The following SLC16A9 variants were observed in gnomAD, a reference collection of about 807,000 sequenced individuals.
The protein encoded by SLC16A9 is solute carrier family 16 member 9, also known as monocarboxylate transporter 9.
Under a neutral mutation model 44.3 loss-of-function variants are expected in SLC16A9, and 26 were observed. The ratio of observed to expected loss-of-function variants is 0.59; its 90% CI spans 0.43 to 0.81. SLC16A9 has a LOEUF of 0.81. SLC16A9 is among the 40% of genes least tolerant of loss of function. The pLI, the probability that SLC16A9 is intolerant of heterozygous loss-of-function variation, is 0.00. For synonymous variants in SLC16A9, 230 were observed against 225.1 expected (o/e 1.02, Z -0.19); for missense variants, 559 against 595.8 (o/e 0.94, Z 0.64).
intron 3 of SLC16A9, among the ~76,000 whole-genome samples, chr10:59,668,582 T>G (rs1039530803): frequency 1.3e-5 from 2 of 152,254 alleles, no homozygotes; most frequent in Non-Finnish European, 2.9e-5. Flanking sequence ...GTTGTGCGAC[T>G]TTGGCAAAGT....
chr10:59,685,955 T>A (rs879440064), intron 1 of SLC16A9, among the ~76,000 whole-genome samples: 138 of 149,182 alleles, frequency 9.3e-4, no homozygotes, highest in Non-Finnish European at 1.7e-3. Context: ...CATTTCATCA[T>A]AGTTTCAACT....
chr10:59,664,984 G>A (rs1315770925), intron 3 of SLC16A9, among the ~76,000 whole-genome samples: 1 of 148,526 alleles, frequency 6.7e-6, no homozygotes, highest in African/African-American at 2.5e-5. Flanking sequence ...AACTATTGGT[G>A]AGCATATGGT....
At chr10:59,659,340 C>T (rs1177642840) in intron 4 of SLC16A9, among the ~76,000 whole-genome samples, 2 of 152,062 alleles carry the variant, frequency 1.3e-5, no homozygotes, top group Non-Finnish European at 2.9e-5. Flanking sequence ...GTCTTTCTGA[C>T]AGTGGCCTTA....
At chr10:59,695,215 T>A (rs1840346138) in intron 1 of SLC16A9, among the ~76,000 whole-genome samples, 1 of 152,016 alleles carries the variant, frequency 6.6e-6, no homozygotes, top group Non-Finnish European at 1.5e-5. Context: ...TCGGGGGTGA[T>A]GAAAATGCTC....
intron 1 of SLC16A9, among the ~76,000 whole-genome samples, chr10:59,693,032 G>A (rs966348298): frequency 3.9e-5 from 6 of 152,100 alleles, no homozygotes; most frequent in African/African-American, 9.7e-5. Context: ...TCTTGAGTCC[G>A]CCTTCTCCAT....
intron 4 of SLC16A9, among the ~76,000 whole-genome samples, chr10:59,661,697 T>A (rs1839478775): frequency 6.6e-6 from 1 of 152,094 alleles, no homozygotes; most frequent in Admixed American, 6.6e-5. Context: ...CCAAGACAAT[T>A]CTAAGCAAAA....
intron 3 of SLC16A9, among the ~76,000 whole-genome samples, chr10:59,669,656 C>G (rs1839699522): frequency 6.6e-6 from 1 of 152,018 alleles, no homozygotes; most frequent in East Asian, 1.9e-4. Context: ...GCCAACATGG[C>G]AAAACCCTAT....
In SLC16A9 at chr10:59,651,226, A is replaced by G. The variant is rs1054751598; in HGVS notation, c.*1546T>C. On this transcript the variant is annotated 3_prime_UTR_variant, in exon 6 of 6. Coordinates refer to ENST00000395348, the MANE Select transcript of SLC16A9 (RefSeq NM_194298.3). ...AGGTATTGTGAGGATTTGTGTTTATAAAGTGCTTCAGGCGCCTTCGAAGAA... is the reference window on the plus strand; with the variant it reads ...AGGTATTGTGAGGATTTGTGTTTATGAAGTGCTTCAGGCGCCTTCGAAGAA... 1 of 152,212 alleles carries G rather than the reference A, an allele frequency of 6.6e-6. No homozygotes were observed. The highest frequency in any genetic ancestry group is 1.5e-5 in the Non-Finnish European group (1 of 68,038). The allele number at this position is 152,212 out of a possible 1,614,324, so 9.4% of individuals were successfully genotyped here.
At chr10:59,699,688 C>T (rs564733146) in intron 1 of SLC16A9, among the ~76,000 whole-genome samples, 2 of 146,740 alleles carry the variant, frequency 1.4e-5, no homozygotes, top group Non-Finnish European at 3.1e-5. Flanking sequence ...TGAAGTATCA[C>T]TCTTTTTTTT....
chr10:59,654,096 G>T lies in SLC16A9; in HGVS notation c.930C>A (p.Phe310Leu). The T allele has an allele frequency of 6.2e-7, 1 of 1,614,078 alleles. No individual in the cohort carries two copies. The highest frequency in any genetic ancestry group is 8.5e-7 in the Non-Finnish European group (1 of 1,180,010). The change falls in exon 5 of 6, where the codon TTC becomes TTA. Residue 310 changes from phenylalanine (F) to leucine (L), a missense_variant. By Grantham distance (22) the Phe-to-Leu change is conservative. Transcript: ENST00000395348. The part of the protein sequence containing the change: ...LFKNKVFSAL[F>L]IAILLFDIGG... ...CGATGTCAAAGAGTAAGATAGCAATGAAAAGGGCTGAAAATACTTTGTTTT... is the reference window on the plus strand; with the variant it reads ...CGATGTCAAAGAGTAAGATAGCAATTAAAAGGGCTGAAAATACTTTGTTTT...
chr10:59,664,774 C>T (rs4948350), intron 3 of SLC16A9, among the ~76,000 whole-genome samples: 149,977 of 152,302 alleles, frequency 0.98, 73,896 homozygotes, highest in Non-Finnish European at 1. Flanking sequence ...GCTATTTTGT[C>T]AGAGTTTAGC....
At chr10:59,688,061 C>G (rs1033286387) in intron 1 of SLC16A9, among the ~76,000 whole-genome samples, 1 of 152,136 alleles carries the variant, frequency 6.6e-6, no homozygotes, top group African/African-American at 2.4e-5. Flanking sequence ...CAAGGCTTAA[C>G]CTTCAGGTCC....
chr10:59,705,955 C>T (rs12772745), intron 1 of SLC16A9, among the ~76,000 whole-genome samples: 48,296 of 152,002 alleles, frequency 0.32, 8,544 homozygotes, highest in Middle Eastern at 0.41. Context: ...TCTTAAATTC[C>T]AGGTTTCAGC....
chr10:59,699,241 A>G (rs775878569), intron 1 of SLC16A9, among the ~76,000 whole-genome samples: 3 of 152,354 alleles, frequency 2.0e-5, no homozygotes, highest in East Asian at 1.9e-4. Context: ...AATTTGCTCA[A>G]ATTAACCAAA....
intron 3 of SLC16A9, among the ~76,000 whole-genome samples, chr10:59,671,176 G>C (rs911313259): frequency 2.0e-5 from 3 of 152,150 alleles, no homozygotes; most frequent in African/African-American, 7.2e-5. Context: ...TCCATGAGCT[G>C]ACAGTTTCCT....
intron 1 of SLC16A9, among the ~76,000 whole-genome samples, chr10:59,697,258 CATG>C (rs943435183): frequency 1.8e-4 from 27 of 151,676 alleles, no homozygotes; most frequent in Non-Finnish European, 2.9e-5. Flanking sequence ...GAGAACAGGC[CATG>C]ATGACAATGG....
intron 1 of SLC16A9, among the ~76,000 whole-genome samples, chr10:59,695,617 T>C (rs1840354413): frequency 6.6e-6 from 1 of 152,130 alleles, no homozygotes; most frequent in Non-Finnish European, 1.5e-5. Context: ...TACACCCAAA[T>C]TTCTAACCTA....
chr10:59,657,981 C>T (rs1014750959), intron 4 of SLC16A9, among the ~76,000 whole-genome samples: 10 of 152,176 alleles, frequency 6.6e-5, no homozygotes, highest in African/African-American at 2.2e-4. Context: ...CACAGCTGAC[C>T]AGTATTAACA....
Position 59,664,326 on chromosome 10 carries a change from A to C in SLC16A9, c.341-4T>G. On this transcript the variant is annotated splice_region_variant and splice_polypyrimidine_tract_variant and intron_variant, in intron 3 of 5. Transcript: ENST00000395348. Reference sequence around the variant, plus strand: ...TATAATAAACCACATCCAAGACCTAAGCATGAGAAGACATTGCATAAATTA... The same window carrying C: ...TATAATAAACCACATCCAAGACCTACGCATGAGAAGACATTGCATAAATTA... 6.3e-7 allele frequency: 1 copy of C among 1,597,638 alleles called. No homozygotes were observed. Among genetic ancestry groups the C allele is most frequent in the African/African-American group, 1.3e-5 (1 of 74,444 alleles).
Sources: gnomAD v4.1 joint callset for allele counts (sites outside exome capture counted in the v4.1 genomes callset) on GRCh38, gnomAD v4.1.1 for gene constraint, MANE v1.5 for transcripts, NCBI Gene and HGNC (gene_info 2026-07-23, HGNC 2026-07-21) for gene names.